BCL7A: variants seen among roughly 807,000 people sequenced by gnomAD.
The protein encoded by BCL7A is B-cell CLL/lymphoma 7 protein family member A.
BCL7A carries 11 observed loss-of-function variants against 28.4 expected under a neutral mutation model. The observed-to-expected ratio is 0.39, with a 90% CI of 0.24 to 0.64. BCL7A has a LOEUF of 0.64. Ranked by LOEUF, BCL7A falls within the 30% of genes least tolerant of loss-of-function variation. BCL7A has a pLI of 0.50. For synonymous variants in BCL7A, 123 were observed against 103.3 expected (o/e 1.19, Z -1.15); for missense variants, 222 against 274.8 (o/e 0.81, Z 1.36).
chr12:122,025,290 G>C (rs1051236829), intron 1 of BCL7A, among the ~76,000 whole-genome samples: 2 of 150,724 alleles, frequency 1.3e-5, no homozygotes, highest in Non-Finnish European at 3.0e-5. Context: ...TTGAGCCCAG[G>C]AGTTTGAGAC....
chr12:122,034,174 C>T (rs1291734732), intron 2 of BCL7A, among the ~76,000 whole-genome samples: 1 of 122,706 alleles, frequency 8.1e-6, no homozygotes, highest in South Asian at 2.8e-4. Flanking sequence ...GTGAGGCTCA[C>T]GTATCCTGCA....
intron 3 of BCL7A, among the ~76,000 whole-genome samples, chr12:122,037,197 C>T (rs1232318919): frequency 2.0e-5 from 3 of 152,230 alleles, no homozygotes; most frequent in Admixed American, 2.0e-4. Context: ...GCCCACCTGG[C>T]TCACCCACTG....
chr12:122,028,441 A>C (rs187317758), intron 1 of BCL7A, among the ~76,000 whole-genome samples: 1 of 152,028 alleles, frequency 6.6e-6, no homozygotes, highest in East Asian at 1.9e-4. Context: ...AACACAATCA[A>C]ACCTTGAATG....
intron 3 of BCL7A, 129 bp from the exon 4 acceptor site, chr12:122,043,757 C>G (rs1244049193): frequency 6.2e-6 from 6 of 973,308 alleles, no homozygotes; most frequent in Non-Finnish European, 8.7e-6. Flanking sequence ...AAACGGTAAC[C>G]AGACCCCTCC....
At chr12:122,053,814 A>C (rs1320188186) in intron 4 of BCL7A, among the ~76,000 whole-genome samples, 1 of 152,030 alleles carries the variant, frequency 6.6e-6, no homozygotes, top group African/African-American at 2.4e-5. Context: ...CCTTGATGGA[A>C]TGGTGTGCGG....
chr12:122,058,035 TAAAAA>T (rs879263820), intron 5 of BCL7A, among the ~76,000 whole-genome samples: 1 of 141,076 alleles, frequency 7.1e-6, no homozygotes, highest in East Asian at 2.1e-4. Flanking sequence ...ACAAAAAACT[TAAAAA>T]AAAAAAATCA....
At chr12:122,030,581 C>T in intron 1 of BCL7A, 119 bp from the exon 2 acceptor site, 1 of 910,238 alleles carries the variant, frequency 1.1e-6, no homozygotes, top group Non-Finnish European at 1.8e-6. Flanking sequence ...GAGGGTGGAG[C>T]TGGGATTCCA....
intron 4 of BCL7A, among the ~76,000 whole-genome samples, chr12:122,049,203 A>T (rs1303402996): frequency 7.1e-6 from 1 of 141,050 alleles, no homozygotes; most frequent in Non-Finnish European, 1.5e-5. Context: ...TCCAGCCTGG[A>T]TGACAGAGCA....
chr12:122,034,552 A>G (rs909868648), intron 2 of BCL7A, among the ~76,000 whole-genome samples: 12 of 150,844 alleles, frequency 8.0e-5, no homozygotes, highest in Non-Finnish European at 1.8e-4. Flanking sequence ...TGGCCAATAT[A>G]TTGGTGAAAC....
At chr12:122,050,750 C>T (rs989307640) in intron 4 of BCL7A, among the ~76,000 whole-genome samples, 3 of 152,216 alleles carry the variant, frequency 2.0e-5, no homozygotes, top group African/African-American at 7.2e-5. Flanking sequence ...GAGCCATGAT[C>T]GTGCCACTGC....
In BCL7A at chr12:122,022,089, A is replaced by T. The variant is rs1312995047; in HGVS notation, c.-3A>T. On this transcript the variant is annotated 5_prime_UTR_variant, in exon 1 of 6. Transcript: ENST00000261822. ...CCCCAGCCTCCGTCTCCCCGCCGGA[A>T]CCATGTCGGGCAGGTCGGTTCGAGC... 1 of 1,563,170 alleles carries T rather than the reference A, an allele frequency of 6.4e-7. No homozygotes were observed. The highest frequency in any genetic ancestry group is 8.7e-7 in the Non-Finnish European group (1 of 1,153,378).
At chr12:122,044,190 G>A (rs1024457445) in intron 4 of BCL7A, 137 bp downstream of exon 4, 29 of 1,009,642 alleles carry the variant, frequency 2.9e-5, no homozygotes, top group Non-Finnish European at 2.2e-5. Context: ...GACACCTGGA[G>A]TACATGGTCT....
chr12:122,049,804 G>C (rs1593034456), intron 4 of BCL7A, among the ~76,000 whole-genome samples: 1 of 152,086 alleles, frequency 6.6e-6, no homozygotes, highest in East Asian at 1.9e-4. Context: ...CCAGGTGCAG[G>C]TGGCTCTGCA....
chr12:122,025,179 T>C (rs1883590897), intron 1 of BCL7A, among the ~76,000 whole-genome samples: 2 of 151,946 alleles, frequency 1.3e-5, no homozygotes, highest in East Asian at 1.9e-4. Flanking sequence ...AGGGCGATGG[T>C]AGGAGACGAA....
intron 2 of BCL7A, among the ~76,000 whole-genome samples, chr12:122,033,805 C>T (rs1286266429): frequency 1.3e-5 from 2 of 152,136 alleles, no homozygotes; most frequent in African/African-American, 4.8e-5. Flanking sequence ...CAAAGTTGTG[C>T]ACCTGTCACC....
At chr12:122,050,333 G>A (rs188721352) in intron 4 of BCL7A, among the ~76,000 whole-genome samples, 43 of 151,944 alleles carry the variant, frequency 2.8e-4, no homozygotes, top group Admixed American at 1.1e-3. Context: ...GTGGGACATT[G>A]AGCAGCATCT....
At chr12:122,027,855 A>G (rs1471744203) in intron 1 of BCL7A, among the ~76,000 whole-genome samples, 1 of 152,160 alleles carries the variant, frequency 6.6e-6, no homozygotes, top group East Asian at 1.9e-4. Flanking sequence ...AAAAAAAATA[A>G]AAAAATAAGA....
At chr12:122,022,243 C>A in intron 1 of BCL7A, 60 bp downstream of exon 1, 3 of 1,129,518 alleles carry the variant, frequency 2.7e-6, no homozygotes, top group Admixed American at 1.0e-4. Context: ...GAGCGCGGCT[C>A]CAGAGAGCCG....
intron 2 of BCL7A, among the ~76,000 whole-genome samples, chr12:122,031,415 C>T (rs906010344): frequency 1.3e-5 from 2 of 152,166 alleles, no homozygotes; most frequent in African/African-American, 2.4e-5. Context: ...CAGTTAGGCA[C>T]GTTCTCCCCA....
Sources: allele counts gnomAD v4.1 joint callset (sites outside exome capture counted in the v4.1 genomes callset), GRCh38; gene constraint gnomAD v4.1.1; transcripts MANE v1.5; gene names NCBI Gene and HGNC (gene_info 2026-07-23, HGNC 2026-07-21).